Variants in DOCK2 observed in about 807,000 individuals in gnomAD.
DOCK2 encodes the protein dedicator of cytokinesis protein 2.
Under a neutral mutation model 248.9 loss-of-function variants are expected in DOCK2, and 87 were observed. The ratio of observed to expected loss-of-function variants is 0.35; its 90% CI spans 0.29 to 0.42. DOCK2 has a LOEUF of 0.42. DOCK2 is among the 10% of genes least tolerant of loss of function. The pLI is 1.00. For missense variants in DOCK2, 1,747 were observed against 2,300.2 expected (o/e 0.76, Z 4.92); for synonymous variants, 805 against 821.6 (o/e 0.98, Z 0.35).
At chr5:170,050,014 A>G (rs531218350) in intron 40 of DOCK2, among the ~76,000 whole-genome samples, 1 of 152,288 alleles carries the variant, frequency 6.6e-6, no homozygotes, top group East Asian at 1.9e-4. Flanking sequence ...GGATGGTAAG[A>G]AGAAGAAAGT....
intron 27 of DOCK2, among the ~76,000 whole-genome samples, chr5:169,954,153 G>A (rs1776773881): frequency 6.6e-6 from 1 of 152,180 alleles, no homozygotes; most frequent in East Asian, 1.9e-4. Context: ...GTTATTATTT[G>A]CTGTAGTATG....
In DOCK2 at chr5:169,752,093, C is replaced by T. The variant is rs1000317553; in HGVS notation, c.2376+4589C>T. Among the ~76,000 whole-genome samples, 16 of 152,094 alleles carry T rather than the reference C, an allele frequency of 1.1e-4. No individual in the cohort carries two copies. The South Asian group carries it at 1.9e-3, about 18-fold the overall frequency. ...TCCTTGTGTGTGCCAGCCCTGTGAGCGTGGTTGATAAAACTGATGGCAGAT... is the reference window on the plus strand; with the variant it reads ...TCCTTGTGTGTGCCAGCCCTGTGAGTGTGGTTGATAAAACTGATGGCAGAT... On this transcript the variant is annotated intron_variant, in intron 23 of 51. Coordinates refer to ENST00000520908, the MANE Select transcript of DOCK2 (RefSeq NM_004946.3).
chr5:169,847,897 T>C (rs1581278856), intron 27 of DOCK2, among the ~76,000 whole-genome samples: 1 of 152,344 alleles, frequency 6.6e-6, no homozygotes, highest in South Asian at 2.1e-4. Flanking sequence ...GTTGGTGTTT[T>C]TCTGGCCCAG....
chr5:169,922,138 T>C (rs538131972), intron 27 of DOCK2, among the ~76,000 whole-genome samples: 22 of 152,342 alleles, frequency 1.4e-4, no homozygotes, highest in Non-Finnish European at 2.8e-4. Flanking sequence ...ACTGCAGTAA[T>C]GTCAGTCATC....
intron 25 of DOCK2, among the ~76,000 whole-genome samples, chr5:169,794,634 A>G (rs1485588576): frequency 6.6e-6 from 1 of 152,130 alleles, no homozygotes; most frequent in Non-Finnish European, 1.5e-5. Context: ...GTTAAAAGTT[A>G]TTTACTTTAG....
At chr5:169,860,542 C>G (rs1238407150) in intron 27 of DOCK2, among the ~76,000 whole-genome samples, 1 of 152,148 alleles carries the variant, frequency 6.6e-6, no homozygotes, top group Non-Finnish European at 1.5e-5. Context: ...AGATAGCAGA[C>G]TGCTGTCAAA....
chr5:169,807,306 G>A (rs1259595073), intron 26 of DOCK2, among the ~76,000 whole-genome samples: 14 of 152,102 alleles, frequency 9.2e-5, no homozygotes, highest in Admixed American at 9.2e-4. Context: ...GTTAAAACAC[G>A]TTTCTGATCA....
intron 25 of DOCK2, among the ~76,000 whole-genome samples, chr5:169,802,556 A>C (rs913698325): frequency 6.6e-6 from 1 of 152,238 alleles, no homozygotes; most frequent in Non-Finnish European, 1.5e-5. Flanking sequence ...ATAATACAGA[A>C]AGTGCTCCAA....
intron 46 of DOCK2, among the ~76,000 whole-genome samples, chr5:170,070,654 T>C (rs766448710): frequency 9.2e-5 from 14 of 152,174 alleles, no homozygotes; most frequent in Admixed American, 2.0e-4. Flanking sequence ...TCCTCAGATA[T>C]TGCTGGGAGG....
In DOCK2 at chr5:169,764,999, A is replaced by G. The variant is rs534921702; in HGVS notation, c.2554+3374A>G. 2.2e-4 allele frequency among the ~76,000 whole-genome samples: 34 copies of G among 152,060 alleles called. No individual in the cohort carries two copies. Among genetic ancestry groups the G allele is most frequent in the African/African-American group, 8.2e-4 (34 of 41,450 alleles). On this transcript the variant is annotated intron_variant, in intron 25 of 51. Transcript: ENST00000520908. This position sits in a 1 kb window ranked among gnomAD's most constrained non-coding sequence, Gnocchi z 4.3. ...ATTGTTTGTGTTACTACAGGCTCCA[A>G]CATAGTTACATAGTTTTGGACACTT...
At chr5:169,974,403 C>G (rs1777639646) in intron 27 of DOCK2, among the ~76,000 whole-genome samples, 1 of 152,120 alleles carries the variant, frequency 6.6e-6, no homozygotes. Context: ...TTGTTATGGC[C>G]CTATAAAAAG....
chr5:169,781,063 C>T (rs1053051682), intron 25 of DOCK2, among the ~76,000 whole-genome samples: 2 of 152,252 alleles, frequency 1.3e-5, no homozygotes, highest in African/African-American at 2.4e-5. Context: ...GGGTGCCGGG[C>T]GGAAACCAGC....
chr5:169,784,319 G>A (rs978027219), intron 25 of DOCK2, among the ~76,000 whole-genome samples: 2 of 152,126 alleles, frequency 1.3e-5, no homozygotes, highest in Non-Finnish European at 2.9e-5. Context: ...AAACACAGAC[G>A]GGAAAAGTTG....
chr5:169,779,475 G>A (rs1050504233), intron 25 of DOCK2: 11 of 152,406 alleles, frequency 7.2e-5, no homozygotes, highest in African/African-American at 2.7e-4. Context: ...CACTGTGCCT[G>A]CGATTGTGAG....
At chr5:169,685,461 G>C (rs1759911995) in intron 8 of DOCK2, among the ~76,000 whole-genome samples, 1 of 152,180 alleles carries the variant, frequency 6.6e-6, no homozygotes, top group African/African-American at 2.4e-5. Context: ...TTTAGCCCAA[G>C]ACATGGTCTC....
intron 32 of DOCK2, among the ~76,000 whole-genome samples, chr5:170,018,425 C>T (rs896699299): frequency 1.3e-5 from 2 of 152,254 alleles, no homozygotes; most frequent in South Asian, 4.1e-4. Flanking sequence ...TGAAATGAGG[C>T]AGAAGAGACG....
intron 26 of DOCK2, among the ~76,000 whole-genome samples, chr5:169,818,454 C>A (rs903877653): frequency 2.0e-5 from 3 of 152,170 alleles, no homozygotes; most frequent in African/African-American, 7.2e-5. Flanking sequence ...AATTCCAATG[C>A]CATCACTAAC....
chr5:169,743,002 G>A (rs1170372444), intron 22 of DOCK2, among the ~76,000 whole-genome samples: 1 of 152,158 alleles, frequency 6.6e-6, no homozygotes, highest in African/African-American at 2.4e-5. Flanking sequence ...ATCTTTCCAG[G>A]CGTTCTAGGC....
chr5:169,910,981 A>G (rs929154934), intron 27 of DOCK2, among the ~76,000 whole-genome samples: 1 of 152,142 alleles, frequency 6.6e-6, no homozygotes, highest in Non-Finnish European at 1.5e-5. Flanking sequence ...AGTGAGAATA[A>G]TAAGTGAAAC....
Sources: allele counts gnomAD v4.1 joint callset (sites outside exome capture counted in the v4.1 genomes callset), GRCh38; gene constraint gnomAD v4.1.1; non-coding constraint Gnocchi (gnomAD v3.1); transcripts MANE v1.5; gene names NCBI Gene and HGNC (gene_info 2026-07-23, HGNC 2026-07-21).